Variants in METTL27 observed in about 807,000 individuals in gnomAD.
METTL27 encodes methyltransferase-like protein 27.
Under a neutral mutation model 24.5 loss-of-function variants are expected in METTL27, and 29 were observed. The ratio of observed to expected loss-of-function variants is 1.18; its 90% CI spans 0.88 to 1.61. The LOEUF (loss-of-function observed/expected upper bound fraction) is 1.61, where lower values mean the gene tolerates loss of function less well. Ranked by LOEUF, METTL27 falls within the 40% of genes most tolerant of loss-of-function variation. The probability of loss-of-function intolerance (pLI) is 0.00; values close to 1 mark genes in which losing one functional copy is unlikely to be tolerated. For synonymous variants in METTL27, 138 were observed against 146.8 expected (o/e 0.94, Z 0.43); for missense variants, 341 against 324.3 (o/e 1.05, Z -0.40).
At position 73,834,598 on chromosome 7, in the gene METTL27, G is replaced by A. The variant is rs1262118780; in HGVS notation, c.*145C>T. ...AGGAACAGATGCCACTGTTTTCTGG[G>A]AGCTCATTTAATAGGCAGGGCATTT... On this transcript the variant is annotated 3_prime_UTR_variant, in exon 6 of 6. Coordinates refer to ENST00000297873, the MANE Select transcript of METTL27 (RefSeq NM_152559.3). 1.0e-5 allele frequency: 7 copies of A among 681,882 alleles called. No individual in the cohort carries two copies. The highest frequency in any genetic ancestry group is 2.8e-5 in the Admixed American group (1 of 35,248). 42.2% of individuals were successfully genotyped at this position (681,882 alleles called of 1,614,324 possible).
chr7:73,834,932 G>C lies in METTL27; in HGVS notation c.549C>G (p.Thr183=), dbSNP rs199577372. 3.7e-6 allele frequency: 6 copies of C among 1,614,020 alleles called. No individual in the cohort carries two copies. In the East Asian group the frequency reaches 6.7e-5, roughly 18 times the overall value. ...TCCCAGCCTGCTCCAGCCTGTCCAG[G>C]GTGGCCTCCAGAGCCTCCTTGTATT... ...NLQYKEALEA[T]LDRLEQAGMW... The change falls in exon 6 of 6, where the codon ACC becomes ACG. Residue 183 remains threonine (T), a synonymous_variant. Transcript: ENST00000297873.
intron 5 of METTL27, 73 bp downstream of exon 5, chr7:73,839,958 T>C (rs1448539906): frequency 5.0e-6 from 7 of 1,387,764 alleles, no homozygotes; most frequent in Non-Finnish European, 5.9e-6. Flanking sequence ...CTCTGGGGCC[T>C]GTGTCTGCAC....
intron 3 of METTL27, 56 bp downstream of exon 3, chr7:73,841,011 TAGG>T (rs1221707552): frequency 3.6e-6 from 5 of 1,406,250 alleles, no homozygotes; most frequent in Admixed American, 3.6e-5. Context: ...CCAGGGGCAG[TAGG>T]AGATTTGAGG....
At position 73,842,111 on chromosome 7, in the gene METTL27, G is replaced by C. The variant is rs1554636603; in HGVS notation, c.30C>G (p.Pro10=). The C allele has an allele frequency of 1.2e-6, 2 of 1,613,018 alleles. No individual in the cohort carries two copies. Among genetic ancestry groups the C allele is most frequent in the South Asian group, 1.1e-5 (1 of 91,044 alleles). Residue 10 remains proline, a synonymous_variant, in exon 2 of 6, where the codon CCC becomes CCG. Coordinates refer to ENST00000297873, the MANE Select transcript of METTL27 (RefSeq NM_152559.3). ...CGGCCCTGACCCGCGCCCGCACCTC[G>C]GGCAGGCTCCCACCCTCCTCCTGGG... The part of the protein sequence containing the change: MAQEEGGSL[P]EVRARVRAAH...
intron 5 of METTL27, among the ~76,000 whole-genome samples, chr7:73,839,230 C>A (rs1339257462): frequency 6.6e-6 from 1 of 152,214 alleles, no homozygotes; most frequent in Admixed American, 6.5e-5. Flanking sequence ...TTGCAGTGAA[C>A]TGAGATTGTG....
intron 5 of METTL27, among the ~76,000 whole-genome samples, chr7:73,837,965 TCAGC>T (rs1788254042): frequency 6.6e-6 from 1 of 151,576 alleles, no homozygotes; most frequent in African/African-American, 2.4e-5. Flanking sequence ...TCCTCCCACC[TCAGC>T]CTCCTGAGTA....
intron 5 of METTL27, 105 bp downstream of exon 5, chr7:73,839,926 G>T: frequency 1.9e-6 from 2 of 1,067,038 alleles, no homozygotes; most frequent in Non-Finnish European, 2.6e-6. Flanking sequence ...GCAGGACGCT[G>T]CCCCTCGCTT....
chr7:73,838,004 C>T (rs1788254979), intron 5 of METTL27, among the ~76,000 whole-genome samples: 1 of 151,380 alleles, frequency 6.6e-6, no homozygotes, highest in South Asian at 2.1e-4. Context: ...TGCTCACCAC[C>T]ACGCCTGGCT....
At chr7:73,839,442 A>G (rs13223593) in intron 5 of METTL27, 98,915 of 152,282 alleles carry the variant, frequency 0.65, 32,883 homozygotes, top group Non-Finnish European at 0.74. Flanking sequence ...CCAGAGCAGA[A>G]CAAAGCGCTG....
At chr7:73,835,202 CTCTCCCTCTCCCTCTCCCTCTCCCCACGG>C in intron 5 of METTL27, 200 bp from the exon 6 acceptor site, 2 of 129,988 alleles carry the variant, frequency 1.5e-5, no homozygotes, top group South Asian at 9.1e-5. Context: ...CTCCCTCTCC[CTCTCCCTCTCCCTCTCCCTCTCCCCACGG>C]TCTCCCTCTC....
At chr7:73,842,383 G>A (rs1788390843) in intron 1 of METTL27, 107 bp downstream of exon 1, 2 of 562,456 alleles carry the variant, frequency 3.6e-6, no homozygotes, top group Admixed American at 7.9e-5. Flanking sequence ...CCCGCGGCTG[G>A]AGGAAGGACC....
chr7:73,841,232 GC>G, intron 2 of METTL27, 34 bp from the exon 3 acceptor site: 2 of 1,547,782 alleles, frequency 1.3e-6, no homozygotes, highest in African/African-American at 1.4e-5. Context: ...CAACACCGGT[GC>G]CCCAGTGTTT....
intron 3 of METTL27, 149 bp from the exon 4 acceptor site, chr7:73,840,698 G>T: frequency 8.3e-7 from 1 of 1,199,042 alleles, no homozygotes; most frequent in Non-Finnish European, 1.1e-6. Flanking sequence ...TCTCTCTGTC[G>T]CCCAAACTGG....
At chr7:73,839,783 G>T in intron 5 of METTL27, 1 of 457,046 alleles carries the variant, frequency 2.2e-6, no homozygotes, top group Non-Finnish European at 3.9e-6. Context: ...GGAAAAGGAG[G>T]CTGCAGAGGA....
At chr7:73,837,322 A>AAT (rs1788238480) in intron 5 of METTL27, among the ~76,000 whole-genome samples, 1 of 146,100 alleles carries the variant, frequency 6.8e-6, no homozygotes, top group South Asian at 2.1e-4. Flanking sequence ...AAAAATAAAA[A>AAT]AAAATAAAAA....
rs1554636605 is a variant in METTL27 at position 73,842,112 on chromosome 7, G to A, written c.29C>T (p.Pro10Leu). Reference sequence around the variant, plus strand: ...GGCCCTGACCCGCGCCCGCACCTCGGGCAGGCTCCCACCCTCCTCCTGGGC... The same window carrying A: ...GGCCCTGACCCGCGCCCGCACCTCGAGCAGGCTCCCACCCTCCTCCTGGGC... MAQEEGGSL[P>L]EVRARVRAAH... Residue 10 changes from proline to leucine, a missense_variant, in exon 2 of 6, where the codon CCC becomes CTC. Transcript: ENST00000297873. The A allele has an allele frequency of 1.9e-6, 3 of 1,613,012 alleles. No individual in the cohort carries two copies. The highest frequency in any genetic ancestry group is 3.3e-5 in the Admixed American group (2 of 59,982).
At chr7:73,839,981 A>G in intron 5 of METTL27, 50 bp downstream of exon 5, 1 of 1,512,324 alleles carries the variant, frequency 6.6e-7, no homozygotes, top group South Asian at 1.2e-5. Context: ...TGCACAGGGG[A>G]AGGTATATGG....
At position 73,834,977 on chromosome 7, in the gene METTL27, C is replaced by A. The variant is rs74852682; in HGVS notation, c.504G>T (p.Arg168Ser). The A allele has an allele frequency of 1.1e-5, 18 of 1,612,668 alleles. No individual in the cohort carries two copies. Among genetic ancestry groups the A allele is most frequent in the Non-Finnish European group, 1.5e-5 (18 of 1,179,822 alleles). Residue 168 changes from arginine (R) to serine (S), a missense_variant, in exon 6 of 6, where the codon AGG becomes AGT. Arg to Ser is a moderately radical substitution (Grantham distance 110, BLOSUM62 -1). Coordinates refer to ENST00000297873, the MANE Select transcript of METTL27 (RefSeq NM_152559.3). ...TGTATTGAAGGTTGGACGAGTTGGT[C>A]CTGGTGGTCAGACACACCAGCCCAC... Reference protein sequence around the residue: ...KPGGLVCLTTRTNSSNLQYKE... With the variant: ...KPGGLVCLTTSTNSSNLQYKE...
chr7:73,835,186 CCTCCT>C, intron 5 of METTL27, 184 bp from the exon 6 acceptor site: 1 of 663,200 alleles, frequency 1.5e-6, no homozygotes, highest in Non-Finnish European at 2.3e-6. Context: ...CCCTCCTCTC[CCTCCT>C]CTCCCTCTCC....
Sources: allele counts gnomAD v4.1 joint callset (sites outside exome capture counted in the v4.1 genomes callset), GRCh38; gene constraint gnomAD v4.1.1; transcripts MANE v1.5; gene names NCBI Gene and HGNC (gene_info 2026-07-23, HGNC 2026-07-21).